TRPC5: variants seen among roughly 807,000 people sequenced by gnomAD.
TRPC5 encodes the protein transient receptor potential cation channel subfamily C member 5.
In TRPC5, 9 loss-of-function variants were observed where a neutral mutation model predicts 56.5. The observed-to-expected ratio is 0.16, with a 90% confidence interval of 0.10 to 0.28. The LOEUF (loss-of-function observed/expected upper bound fraction) is 0.28. Among genes scored for constraint, TRPC5 ranks in the 10% least tolerant of loss-of-function variants. The pLI is 1.00. For missense variants in TRPC5, 469 were observed against 748.9 expected (o/e 0.63, Z 4.36); for synonymous variants, 282 against 278.5 (o/e 1.01, Z -0.13).
intron 3 of TRPC5, among the ~76,000 whole-genome samples, chrX:111,880,965 A>G (rs767253388): frequency 6.0e-4 from 67 of 111,266 alleles, no homozygotes; most frequent in African/African-American, 2.0e-3. Context: ...AGGTTCTACA[A>G]ATGCTCAAAG....
intron 1 of TRPC5, among the ~76,000 whole-genome samples, chrX:111,981,769 AC>A (rs1407635783): frequency 8.9e-6 from 1 of 112,089 alleles, no homozygotes; most frequent in Non-Finnish European, 1.9e-5. Context: ...TAAAGTTAAT[AC>A]ATTTTATATT....
At chrX:111,956,406 G>A (rs755085994) in intron 1 of TRPC5, among the ~76,000 whole-genome samples, 17 of 111,748 alleles carry the variant, frequency 1.5e-4, no homozygotes, top group Admixed American at 5.7e-4. Context: ...AAATTTGTAC[G>A]ATCTCAGGTG....
At chrX:111,844,113 A>C (rs1449943774) in intron 6 of TRPC5, among the ~76,000 whole-genome samples, 2 of 109,948 alleles carry the variant, frequency 1.8e-5, no homozygotes, top group African/African-American at 6.7e-5. Context: ...ATTAAAGGGG[A>C]TATAGGTTGG....
chrX:111,825,743 C>T (rs1922214284), intron 7 of TRPC5, among the ~76,000 whole-genome samples: 2 of 111,923 alleles, frequency 1.8e-5, no homozygotes, highest in South Asian at 7.6e-4. Flanking sequence ...GACTAGTGCA[C>T]TCTGGCTGGA....
chrX:112,029,045 CTT>C (rs1037150361), intron 1 of TRPC5, among the ~76,000 whole-genome samples: 2 of 112,238 alleles, frequency 1.8e-5, no homozygotes, highest in Non-Finnish European at 3.8e-5. Flanking sequence ...ATTATTGACT[CTT>C]GTCACCCTGT....
At chrX:111,802,964 C>T (rs1376296719) in intron 7 of TRPC5, among the ~76,000 whole-genome samples, 1 of 110,753 alleles carries the variant, frequency 9.0e-6, no homozygotes, top group African/African-American at 3.3e-5. Flanking sequence ...GTGCTGCACC[C>T]ATCAACTCAT....
At chrX:111,910,760 G>A (rs997153278) in intron 3 of TRPC5, among the ~76,000 whole-genome samples, 1 of 112,229 alleles carries the variant, frequency 8.9e-6, no homozygotes, top group East Asian at 2.8e-4. Context: ...TCGAACTCTT[G>A]ACCTCAGATG....
intron 2 of TRPC5, among the ~76,000 whole-genome samples, chrX:111,936,528 T>A (rs1357320975): frequency 3.7e-5 from 4 of 109,216 alleles, no homozygotes; most frequent in Non-Finnish European, 5.7e-5. Flanking sequence ...CAGAGTGTGA[T>A]GTTCCCTTTC....
At chrX:111,809,501 G>A (rs765417944) in intron 7 of TRPC5, among the ~76,000 whole-genome samples, 52 of 111,888 alleles carry the variant, frequency 4.6e-4, no homozygotes, top group African/African-American at 1.7e-3. Context: ...CAAGTGTACA[G>A]ATTCTGTCTC....
intron 9 of TRPC5, among the ~76,000 whole-genome samples, chrX:111,780,059 G>C (rs1945907970): frequency 9.0e-6 from 1 of 111,713 alleles, no homozygotes; most frequent in Non-Finnish European, 1.9e-5. Context: ...GTTAGTTATG[G>C]TCTAAGGGGA....
chrX:111,998,736 G>GC (rs1321397715), intron 1 of TRPC5, among the ~76,000 whole-genome samples: 1 of 111,384 alleles, frequency 9.0e-6, no homozygotes, highest in Non-Finnish European at 1.9e-5. Flanking sequence ...GTTCCACAGG[G>GC]CCAGCTTCAG....
At chrX:112,063,845 G>A (rs1022579469) in intron 1 of TRPC5, among the ~76,000 whole-genome samples, 2 of 112,040 alleles carry the variant, frequency 1.8e-5, no homozygotes, top group Non-Finnish European at 3.8e-5. Context: ...AGGCTGGAGT[G>A]CAGTGGCGCG....
At chrX:111,880,419 C>T (rs1055872996) in intron 3 of TRPC5, among the ~76,000 whole-genome samples, 6 of 112,457 alleles carry the variant, frequency 5.3e-5, no homozygotes, top group African/African-American at 1.9e-4. Context: ...TACTGCTATA[C>T]ATAGCTTAAT....
At position 111,775,075 on chromosome X, in the gene TRPC5, A is replaced by G. The variant is rs1945867083; in HGVS notation, c.*1238T>C. The G allele has an allele frequency of 8.9e-6, 1 of 111,732 alleles. No individual in the cohort carries two copies. Among genetic ancestry groups the G allele is most frequent in the Non-Finnish European group, 1.9e-5 (1 of 53,156 alleles). The allele number at this position is 111,732 out of a possible 1,213,427, so 9.2% of individuals were successfully genotyped here. On this transcript the variant is annotated 3_prime_UTR_variant, in exon 11 of 11. Transcript: ENST00000262839. ...CTGATGAGGTACTCTTAAGCTGTGG[A>G]AAAGAATTTGTTTGGATGTATAAAT...
intron 3 of TRPC5, among the ~76,000 whole-genome samples, chrX:111,891,700 C>A (rs991538940): frequency 1.8e-5 from 2 of 110,601 alleles, no homozygotes; most frequent in East Asian, 5.7e-4. Flanking sequence ...ACCACAACGC[C>A]CAGCTAATTT....
chrX:112,044,609 A>G (rs754743590), intron 1 of TRPC5, among the ~76,000 whole-genome samples: 3 of 112,300 alleles, frequency 2.7e-5, no homozygotes, highest in Non-Finnish European at 5.6e-5. Context: ...CAGGTGAAAC[A>G]TTATGCTGTC....
intron 1 of TRPC5, among the ~76,000 whole-genome samples, chrX:112,026,984 C>T (rs1403477679): frequency 9.1e-6 from 1 of 110,431 alleles, no homozygotes; most frequent in East Asian, 2.9e-4. Context: ...GACAAGCTTC[C>T]ATGGAGGCAT....
intron 3 of TRPC5, among the ~76,000 whole-genome samples, chrX:111,893,553 T>C (rs146085146): frequency 0.015 from 1,666 of 112,367 alleles, 25 homozygotes; most frequent in African/African-American, 0.051. Context: ...AGCCAGTCTG[T>C]GATTTTTCTC....
At chrX:111,859,440 T>C (rs1439461542) in intron 3 of TRPC5, among the ~76,000 whole-genome samples, 2 of 112,580 alleles carry the variant, frequency 1.8e-5, no homozygotes, top group African/African-American at 3.2e-5. Context: ...ATTATTTGTA[T>C]ACAATGCACC....
Sources: gnomAD v4.1 joint callset for allele counts (sites outside exome capture counted in the v4.1 genomes callset) on GRCh38, gnomAD v4.1.1 for gene constraint, MANE v1.5 for transcripts, NCBI Gene and HGNC (gene_info 2026-07-23, HGNC 2026-07-21) for gene names.